Variants in CYP26B1 observed in about 807,000 individuals in gnomAD.
CYP26B1 encodes cytochrome P450 family 26 subfamily B member 1.
In CYP26B1, 8 loss-of-function variants were observed where a neutral mutation model predicts 39.1. The ratio of observed to expected loss-of-function variants is 0.20; its 90% CI spans 0.12 to 0.37. The LOEUF is 0.37. CYP26B1 is among the 10% of genes least tolerant of loss of function. The pLI is 1.00. For missense variants in CYP26B1, 615 were observed against 707.0 expected (o/e 0.87, Z 1.48); for synonymous variants, 321 against 314.3 (o/e 1.02, Z -0.23).
At position 72,134,689 on chromosome 2, in the gene CYP26B1, T is replaced by C. The variant is rs1295912276; in HGVS notation, c.861+72A>G. 5.1e-6 allele frequency: 8 copies of C among 1,557,138 alleles called. No individual in the cohort carries two copies. In the East Asian group the frequency reaches 1.7e-4, roughly 33 times the overall value. ...AGGGGGTAGAAATGGCTGGGCACATTTCCACCCAGGGAAAGCTCAGAATGG... is the reference window on the plus strand; with the variant it reads ...AGGGGGTAGAAATGGCTGGGCACATCTCCACCCAGGGAAAGCTCAGAATGG... On this transcript the variant is annotated intron_variant, in intron 4 of 5. Coordinates refer to ENST00000001146, the MANE Select transcript of CYP26B1 (RefSeq NM_019885.4).
chr2:72,138,880 G>C (rs746326971), intron 2 of CYP26B1, among the ~76,000 whole-genome samples: 7 of 152,182 alleles, frequency 4.6e-5, no homozygotes, highest in South Asian at 2.1e-4. Flanking sequence ...ATCCCACAAG[G>C]GTCTAGGGGT....
chr2:72,143,004 C>T (rs1676987049), intron 2 of CYP26B1: 1 of 167,158 alleles, frequency 6.0e-6, no homozygotes, highest in Non-Finnish European at 1.5e-5. Flanking sequence ...CGCTCCCCAC[C>T]TTCGCCAAGA....
At chr2:72,132,970 A>G in intron 5 of CYP26B1, 53 bp downstream of exon 5, 2 of 1,611,532 alleles carry the variant, frequency 1.2e-6, no homozygotes, top group Non-Finnish European at 8.5e-7. Flanking sequence ...CCTTGCCCCT[A>G]TCCCGGTGCC....
At chr2:72,145,054 C>T (rs1232062759) in intron 1 of CYP26B1, among the ~76,000 whole-genome samples, 3 of 152,126 alleles carry the variant, frequency 2.0e-5, no homozygotes, top group Admixed American at 6.5e-5. Context: ...CCTTTGACGT[C>T]GGCACTAGTT....
chr2:72,143,621 G>A (rs1244760094), intron 2 of CYP26B1, among the ~76,000 whole-genome samples: 1 of 152,204 alleles, frequency 6.6e-6, no homozygotes, highest in Non-Finnish European at 1.5e-5. Context: ...TCCAGTCCTC[G>A]GAATTCCCTG....
Position 72,133,299 on chromosome 2 carries a change from G to A in CYP26B1, c.870C>T (p.Thr290=). 6.2e-7 allele frequency: 1 copy of A among 1,605,046 alleles called. No homozygotes were observed. The highest frequency in any genetic ancestry group is 8.5e-7 in the Non-Finnish European group (1 of 1,179,422). Residue 290 remains threonine (T), a synonymous_variant, in exon 5 of 6, where the codon ACC becomes ACT. Transcript: ENST00000001146. ...EMTMQELKDG[T]LELIFAAYAT... Reference sequence around the variant, plus strand: ...CATAGGCCGCAAAGATCAGCTCCAGGGTCCCGTCCTGCAGGGCACAGAGGA... The same window carrying A: ...CATAGGCCGCAAAGATCAGCTCCAGAGTCCCGTCCTGCAGGGCACAGAGGA...
Position 72,130,234 on chromosome 2 carries a change from A to AG in CYP26B1, c.*1992dup, listed in dbSNP as rs1225663261. The stretch of plus-strand genomic sequence containing the variant: ...CAGACACTGGTTTTGTGTTGGGGGG[A>AG]GGGGGTACAGGTCCGGGTGCACCAT... On this transcript the variant is annotated 3_prime_UTR_variant, in exon 6 of 6. Coordinates refer to ENST00000001146, the MANE Select transcript of CYP26B1 (RefSeq NM_019885.4). 5 of 152,234 alleles carry AG rather than the reference A, an allele frequency of 3.3e-5. No individual in the cohort carries two copies. The highest frequency in any genetic ancestry group is 1.2e-4 in the African/African-American group (5 of 41,486). 9.4% of individuals were successfully genotyped at this position (152,234 alleles called of 1,614,324 possible).
At position 72,129,352 on chromosome 2, in the gene CYP26B1, A is replaced by C. The variant is rs893586716; in HGVS notation, c.*2875T>G. 1.8e-4 allele frequency: 27 copies of C among 152,772 alleles called. No homozygotes were observed. The highest frequency in any genetic ancestry group is 6.5e-4 in the African/African-American group (27 of 41,576). The allele number at this position is 152,772 out of a possible 1,614,324, so 9.5% of individuals were successfully genotyped here. Reference sequence around the variant, plus strand: ...ATATGCAACATGGAATATTATATACAGATTAAAACCACGACAGCAAAAACA... The same window carrying C: ...ATATGCAACATGGAATATTATATACCGATTAAAACCACGACAGCAAAAACA... On this transcript the variant is annotated 3_prime_UTR_variant, in exon 6 of 6. Coordinates refer to ENST00000001146, the MANE Select transcript of CYP26B1 (RefSeq NM_019885.4).
At chr2:72,139,865 C>T (rs1272408997) in intron 2 of CYP26B1, among the ~76,000 whole-genome samples, 1 of 152,210 alleles carries the variant, frequency 6.6e-6, no homozygotes, top group African/African-American at 2.4e-5. Flanking sequence ...CTCTGCCAGC[C>T]CTGATGGGCT....
intron 4 of CYP26B1, among the ~76,000 whole-genome samples, chr2:72,134,436 C>G (rs763318893): frequency 2.5e-4 from 38 of 152,288 alleles, no homozygotes; most frequent in Middle Eastern, 3.4e-3. Flanking sequence ...TGGTGACAAG[C>G]AAGTGGTTTC....
At chr2:72,144,296 G>C in intron 1 of CYP26B1, 83 bp from the exon 2 acceptor site, 3 of 1,538,272 alleles carry the variant, frequency 2.0e-6, no homozygotes, top group Non-Finnish European at 2.6e-6. Flanking sequence ...CCCAACCCGG[G>C]GTACAGTCAC....
chr2:72,132,590 G>A lies in CYP26B1; in HGVS notation c.1176C>T (p.Val392=). Residue 392 remains valine (V), a synonymous_variant, in exon 6 of 6, where the codon GTC becomes GTT. Coordinates refer to ENST00000001146, the MANE Select transcript of CYP26B1 (RefSeq NM_019885.4). Reference sequence around the variant, plus strand: ...CATGGGTGTCCCGGATGCTATACATGACACTCCAGCCTTTGGGGATCTGGA... The same window carrying A: ...CATGGGTGTCCCGGATGCTATACATAACACTCCAGCCTTTGGGGATCTGGA... ...DGFQIPKGWS[V]MYSIRDTHDT... 1.9e-6 allele frequency: 3 copies of A among 1,611,602 alleles called. No homozygotes were observed. Among genetic ancestry groups the A allele is most frequent in the Non-Finnish European group, 2.5e-6 (3 of 1,179,180 alleles).
At chr2:72,134,664 A>AG (rs1676702383) in intron 4 of CYP26B1, 97 bp downstream of exon 4, 1 of 1,526,622 alleles carries the variant, frequency 6.6e-7, no homozygotes. Flanking sequence ...GCCAGACTAC[A>AG]GGGGGTAGAA....
chr2:72,144,077 C>G lies in CYP26B1; in HGVS notation c.341G>C (p.Ser114Thr). ...GCGGGTGCTGCGAGGCCACTCGGTG[C>G]TCACGAGGTGGTGCTCGCCCATGAG... ...KILMGEHHLV[S>T]TEWPRSTRML... Residue 114 changes from serine (S) to threonine (T), a missense_variant, in exon 2 of 6, where the codon AGC becomes ACC. Transcript: ENST00000001146. 1.2e-6 allele frequency: 2 copies of G among 1,613,756 alleles called. No individual in the cohort carries two copies. Among genetic ancestry groups the G allele is most frequent in the Non-Finnish European group, 1.7e-6 (2 of 1,179,868 alleles).
Position 72,130,396 on chromosome 2 carries a change from C to G in CYP26B1, c.*1831G>C, listed in dbSNP as rs1676529981. On this transcript the variant is annotated 3_prime_UTR_variant, in exon 6 of 6. Coordinates refer to ENST00000001146, the MANE Select transcript of CYP26B1 (RefSeq NM_019885.4). ...GAAAAGTAGGAAATAAATGAAACAT[C>G]TGAGACTCAGGGATTGGAGAGCAGT... 1 of 152,144 alleles carries G rather than the reference C, an allele frequency of 6.6e-6. No individual in the cohort carries two copies. The highest frequency in any genetic ancestry group is 2.1e-4 in the South Asian group (1 of 4,812). 9.4% of individuals were successfully genotyped at this position (152,144 alleles called of 1,614,324 possible).
chr2:72,145,576 C>T (rs565627517), intron 1 of CYP26B1, among the ~76,000 whole-genome samples: 1 of 152,192 alleles, frequency 6.6e-6, no homozygotes, highest in East Asian at 1.9e-4. Context: ...TCCCTCCCTC[C>T]GTCTGCTATA....
At chr2:72,144,464 T>C in intron 1 of CYP26B1, 2 of 1,302,364 alleles carry the variant, frequency 1.5e-6, no homozygotes, top group Non-Finnish European at 1.9e-6. Context: ...TTTTTGGTAA[T>C]GACTTTCGAG....
Position 72,129,286 on chromosome 2 carries a change from G to A in CYP26B1, c.*2941C>T, listed in dbSNP as rs188060390. The A allele has an allele frequency of 2.6e-5, 4 of 152,416 alleles. No individual in the cohort carries two copies. 9.4% of individuals were successfully genotyped at this position (152,416 alleles called of 1,614,324 possible). On this transcript the variant is annotated 3_prime_UTR_variant, in exon 6 of 6. Coordinates refer to ENST00000001146, the MANE Select transcript of CYP26B1 (RefSeq NM_019885.4). ...GAAGCCTATAGAAGAGCCACATTGA[G>A]TATTTCCAAAATCACAAAATGCACA...
At chr2:72,135,462 C>A (rs1402729910) in intron 2 of CYP26B1, 43 bp from the exon 3 acceptor site, 2 of 1,600,004 alleles carry the variant, frequency 1.3e-6, no homozygotes, top group East Asian at 2.2e-5. Context: ...TTGGCACAGC[C>A]CACCCCTGGC....
Sources: gnomAD v4.1 joint callset for allele counts (sites outside exome capture counted in the v4.1 genomes callset) on GRCh38, gnomAD v4.1.1 for gene constraint, MANE v1.5 for transcripts, NCBI Gene and HGNC (gene_info 2026-07-23, HGNC 2026-07-21) for gene names.